Variants in MYO6 observed in about 807,000 individuals in gnomAD.
The protein encoded by MYO6 is myosin VI.
A neutral mutation model predicts 178.7 loss-of-function variants in MYO6; 74 were observed. The observed-to-expected ratio is 0.41, with a 90% CI of 0.34 to 0.50. The LOEUF (loss-of-function observed/expected upper bound fraction) is 0.50, where lower values mean the gene tolerates loss of function less well. Among genes scored for constraint, MYO6 ranks in the 20% least tolerant of loss-of-function variants. The probability of loss-of-function intolerance (pLI) is 0.09; values close to 1 mark genes in which losing one functional copy is unlikely to be tolerated. For missense variants in MYO6, 1,330 were observed against 1,547.4 expected, an observed-to-expected ratio of 0.86 and a Z score of 2.36; for synonymous variants, 477 against 504.6, an observed-to-expected ratio of 0.95 and a Z score of 0.73.
At chr6:75,863,182 A>G (rs1354597630) in intron 16 of MYO6, among the ~76,000 whole-genome samples, 3 of 152,188 alleles carry the variant, frequency 2.0e-5, no homozygotes. Context: ...TGTGACCTTA[A>G]TCACATTCCA....
chr6:75,905,460 G>T (rs960860799), intron 30 of MYO6, among the ~76,000 whole-genome samples: 1 of 152,206 alleles, frequency 6.6e-6, no homozygotes, highest in Non-Finnish European at 1.5e-5. Context: ...CGCAGTATTC[G>T]GGTGGAAGTG....
At chr6:75,835,646 G>C (rs1003417533) in intron 6 of MYO6, among the ~76,000 whole-genome samples, 1 of 152,022 alleles carries the variant, frequency 6.6e-6, no homozygotes, top group Non-Finnish European at 1.5e-5. Context: ...TGGCCAGGCT[G>C]GTCTCGAACT....
chr6:75,787,076 TGAG>T lies in MYO6; in HGVS notation c.-47-30421_-47-30419del, dbSNP rs369539294. On this transcript the variant is annotated intron_variant, in intron 1 of 34. Coordinates refer to ENST00000369977, the MANE Select transcript of MYO6 (RefSeq NM_004999.4). ...TTGTGTTTCACGACCTTAAAATTTT[TGAG>T]GAGTTCAGGCCATTTATTTTGTAAA... Among the ~76,000 whole-genome samples the T allele has an allele frequency of 1.2e-4, 19 of 152,344 alleles. No individual in the cohort carries two copies. The East Asian group carries it at 3.3e-3, about 26-fold the overall frequency.
intron 19 of MYO6, among the ~76,000 whole-genome samples, chr6:75,871,808 A>C (rs1777174230): frequency 6.6e-6 from 1 of 152,066 alleles, no homozygotes; most frequent in Non-Finnish European, 1.5e-5. Context: ...ATAGAAAAAA[A>C]AGCATTTCTA....
At chr6:75,859,580 G>A (rs934411438) in intron 14 of MYO6, among the ~76,000 whole-genome samples, 3 of 151,566 alleles carry the variant, frequency 2.0e-5, no homozygotes, top group Non-Finnish European at 2.9e-5. Context: ...GCTTACAGGC[G>A]TGAGCCACCG....
chr6:75,808,111 C>T (rs1332575797), intron 1 of MYO6, among the ~76,000 whole-genome samples: 1 of 152,208 alleles, frequency 6.6e-6, no homozygotes, highest in Non-Finnish European at 1.5e-5. Flanking sequence ...GCAAGGAATA[C>T]TTTATTCAAG....
chr6:75,867,981 G>A (rs983293871), intron 18 of MYO6, among the ~76,000 whole-genome samples: 3 of 152,024 alleles, frequency 2.0e-5, no homozygotes, highest in Admixed American at 2.0e-4. Flanking sequence ...TTTCTACAGA[G>A]TATTATTGTT....
intron 7 of MYO6, among the ~76,000 whole-genome samples, chr6:75,840,297 G>C (rs1774086695): frequency 6.6e-6 from 1 of 151,846 alleles, no homozygotes. Context: ...AAATAACTGG[G>C]ATTACAGGCA....
At chr6:75,781,200 G>A (rs1166271943) in intron 1 of MYO6, among the ~76,000 whole-genome samples, 1 of 152,170 alleles carries the variant, frequency 6.6e-6, no homozygotes, top group Non-Finnish European at 1.5e-5. Context: ...AGAAAACAAA[G>A]CAGAGAGAGA....
intron 28 of MYO6, 61 bp from the exon 29 acceptor site, chr6:75,895,170 A>G: frequency 7.5e-7 from 1 of 1,331,434 alleles, no homozygotes; most frequent in Non-Finnish European, 1.1e-6. Context: ...AATTTGCACA[A>G]TCCAGATTTT....
rs561531388 is a variant in MYO6 at position 75,863,050 on chromosome 6, A to T, written c.1674+327A>T. On this transcript the variant is annotated intron_variant, in intron 16 of 34. Coordinates refer to ENST00000369977, the MANE Select transcript of MYO6 (RefSeq NM_004999.4). ...GGCTACAGTGAGTTGTTAGCATGCC[A>T]CTGCACTCCAGCCTGGCCAAAAGAG... 5.3e-5 allele frequency among the ~76,000 whole-genome samples: 8 copies of T among 152,270 alleles called. No individual in the cohort carries two copies. The South Asian group carries it at 1.7e-3, about 32-fold the overall frequency.
intron 4 of MYO6, 58 bp downstream of exon 4, chr6:75,828,671 C>T: frequency 9.1e-7 from 1 of 1,095,574 alleles, no homozygotes; most frequent in Non-Finnish European, 1.4e-6. Flanking sequence ...ATGTGGTACT[C>T]TTTGATTTTG....
At chr6:75,846,636 G>C (rs982841595) in intron 10 of MYO6, among the ~76,000 whole-genome samples, 3 of 152,038 alleles carry the variant, frequency 2.0e-5, no homozygotes, top group Admixed American at 6.6e-5. Flanking sequence ...GTCTTGATAA[G>C]ACTATGTTTT....
chr6:75,851,982 C>G (rs1417857699), intron 11 of MYO6, among the ~76,000 whole-genome samples: 1 of 152,016 alleles, frequency 6.6e-6, no homozygotes, highest in African/African-American at 2.4e-5. Context: ...TTTTAAAATT[C>G]CACATAACAG....
intron 10 of MYO6, among the ~76,000 whole-genome samples, 174 bp downstream of exon 10, chr6:75,845,151 G>A (rs1305939839): frequency 6.6e-6 from 1 of 151,108 alleles, no homozygotes; most frequent in African/African-American, 2.5e-5. Flanking sequence ...TATACCTCTT[G>A]TTGTTATCTA....
At chr6:75,903,200 C>T (rs1779967014) in intron 30 of MYO6, among the ~76,000 whole-genome samples, 1 of 151,636 alleles carries the variant, frequency 6.6e-6, no homozygotes, top group Non-Finnish European at 1.5e-5. Flanking sequence ...AATGTATATT[C>T]TGTTGATTTG....
intron 1 of MYO6, among the ~76,000 whole-genome samples, chr6:75,795,241 G>A (rs1210425265): frequency 6.6e-6 from 1 of 152,154 alleles, no homozygotes; most frequent in African/African-American, 2.4e-5. Flanking sequence ...AGGAGTCAAG[G>A]CAAAATGCCT....
chr6:75,770,640 C>A (rs1235410972), intron 1 of MYO6, among the ~76,000 whole-genome samples: 1 of 152,146 alleles, frequency 6.6e-6, no homozygotes, highest in Non-Finnish European at 1.5e-5. Context: ...CCATGCCTGG[C>A]TAATTTTCGT....
intron 1 of MYO6, among the ~76,000 whole-genome samples, chr6:75,816,914 C>T (rs1771308966): frequency 6.6e-6 from 1 of 152,148 alleles, no homozygotes; most frequent in Admixed American, 6.5e-5. Flanking sequence ...CTGTTCTAGT[C>T]AGAGGGTTGT....
Sources: gnomAD v4.1 joint callset for allele counts (sites outside exome capture counted in the v4.1 genomes callset) on GRCh38, gnomAD v4.1.1 for gene constraint, MANE v1.5 for transcripts, NCBI Gene and HGNC (gene_info 2026-07-23, HGNC 2026-07-21) for gene names.